STPG2: variants seen among roughly 807,000 people sequenced by gnomAD.
STPG2 encodes the protein sperm-tail PG-rich repeat-containing protein 2.
Under a neutral mutation model 54.2 loss-of-function variants are expected in STPG2, and 56 were observed. The observed-to-expected ratio is 1.03, with a 90% CI of 0.83 to 1.29. The LOEUF (loss-of-function observed/expected upper bound fraction) is 1.29, where lower values mean the gene tolerates loss of function less well. STPG2 is among the 50% of genes most tolerant of loss of function. The pLI is 0.00. For missense variants in STPG2, 596 were observed against 544.9 expected (o/e 1.09, Z -0.93); for synonymous variants, 200 against 181.8 (o/e 1.10, Z -0.81).
At chr4:97,713,374 C>T (rs1034684173) in intron 9 of STPG2, among the ~76,000 whole-genome samples, 2 of 152,108 alleles carry the variant, frequency 1.3e-5, no homozygotes, top group African/African-American at 4.8e-5. Flanking sequence ...TCAATGCCCC[C>T]AAATTCTTAC....
chr4:97,790,026 A>T (rs936998671), intron 9 of STPG2, among the ~76,000 whole-genome samples: 1 of 152,190 alleles, frequency 6.6e-6, no homozygotes, highest in African/African-American at 2.4e-5. Flanking sequence ...AAGTTTAAAC[A>T]ACAAAAAAAA....
intron 9 of STPG2, among the ~76,000 whole-genome samples, chr4:97,796,228 G>A (rs1339229892): frequency 6.6e-6 from 1 of 152,078 alleles, no homozygotes; most frequent in Non-Finnish European, 1.5e-5. Flanking sequence ...GTCAATTTTG[G>A]CTTTTGTTGC....
intron 8 of STPG2, among the ~76,000 whole-genome samples, chr4:97,875,008 C>T (rs530253699): frequency 3.2e-4 from 48 of 152,036 alleles, no homozygotes; most frequent in Non-Finnish European, 5.9e-4. Flanking sequence ...TAAAATAAGA[C>T]ATTATATTTC....
intron 5 of STPG2, among the ~76,000 whole-genome samples, chr4:97,984,665 A>C (rs911665170): frequency 1.3e-5 from 2 of 152,100 alleles, no homozygotes; most frequent in Non-Finnish European, 2.9e-5. Flanking sequence ...TTTATTTTTT[A>C]ATATATGAAA....
chr4:98,119,066 T>C (rs1021738913), intron 3 of STPG2, among the ~76,000 whole-genome samples: 2 of 152,130 alleles, frequency 1.3e-5, no homozygotes, highest in African/African-American at 2.4e-5. Context: ...GAATCATCAA[T>C]AGATGTTAAA....
chr4:97,457,360 C>T lies in STPG2; in HGVS notation c.462+255339G>A, dbSNP rs145857841. Among the ~76,000 whole-genome samples, 532 of 152,320 alleles carry T rather than the reference C, an allele frequency of 3.5e-3. 3 individuals are homozygous for T. The highest frequency in any genetic ancestry group is 0.012 in the African/African-American group (506 of 41,570). ...AAAACTTAATTAGGAGGCCATTAGGCTGACGCAACTCCAGTGCCTATGTAA... is the reference window on the plus strand; with the variant it reads ...AAAACTTAATTAGGAGGCCATTAGGTTGACGCAACTCCAGTGCCTATGTAA... On this transcript the variant is annotated intron_variant, in intron 4 of 4. Transcript: ENST00000522676.
At chr4:97,841,262 C>T (rs1728793912) in intron 8 of STPG2, among the ~76,000 whole-genome samples, 1 of 151,574 alleles carries the variant, frequency 6.6e-6, no homozygotes, top group Non-Finnish European at 1.5e-5. Flanking sequence ...CAATGATTAC[C>T]TGTTTTCCTA....
chr4:97,933,200 C>A (rs1299425629), intron 8 of STPG2, among the ~76,000 whole-genome samples: 1 of 151,968 alleles, frequency 6.6e-6, no homozygotes. Flanking sequence ...CCTTTGCCCA[C>A]TTTTTGATGG....
chr4:97,970,224 C>T (rs1734275600), intron 7 of STPG2, among the ~76,000 whole-genome samples: 1 of 152,094 alleles, frequency 6.6e-6, no homozygotes, highest in Non-Finnish European at 1.5e-5. Context: ...GTGAAAATGG[C>T]CATACTGACC....
At chr4:97,849,495 G>A (rs1378208794) in intron 8 of STPG2, among the ~76,000 whole-genome samples, 1 of 151,760 alleles carries the variant, frequency 6.6e-6, no homozygotes, top group African/African-American at 2.4e-5. Context: ...CCTACAACAT[G>A]GGAGAAAATT....
chr4:98,131,288 C>T (rs985845754), intron 2 of STPG2, among the ~76,000 whole-genome samples: 3 of 152,068 alleles, frequency 2.0e-5, no homozygotes, highest in African/African-American at 7.2e-5. Flanking sequence ...ATTTCATTAA[C>T]AGTATTATAC....
At chr4:98,003,944 AATG>A (rs1418983923) in intron 5 of STPG2, among the ~76,000 whole-genome samples, 1 of 152,144 alleles carries the variant, frequency 6.6e-6, no homozygotes, top group Non-Finnish European at 1.5e-5. Flanking sequence ...AACATTGTGA[AATG>A]ATTATAATAA....
intron 8 of STPG2, among the ~76,000 whole-genome samples, chr4:97,937,393 T>C (rs1013948687): frequency 6.6e-6 from 1 of 152,158 alleles, no homozygotes; most frequent in African/African-American, 2.4e-5. Flanking sequence ...TTCATCTATC[T>C]CATCCTCTGT....
chr4:98,020,282 G>A (rs1213574419), intron 5 of STPG2, among the ~76,000 whole-genome samples: 1 of 130,994 alleles, frequency 7.6e-6, no homozygotes, highest in Non-Finnish European at 1.7e-5. Context: ...TAATCATGTG[G>A]TTTTTGTCTT....
chr4:97,828,165 T>G (rs1053221947), intron 9 of STPG2, among the ~76,000 whole-genome samples: 4 of 152,042 alleles, frequency 2.6e-5, no homozygotes, highest in African/African-American at 9.7e-5. Flanking sequence ...GGTGGGTGAT[T>G]TCTGCATTTC....
chr4:97,967,599 T>G (rs1026638319), intron 7 of STPG2, among the ~76,000 whole-genome samples: 3 of 152,116 alleles, frequency 2.0e-5, no homozygotes, highest in African/African-American at 7.2e-5. Flanking sequence ...ATTGACCACA[T>G]AGTTGGAAGT....
intron 1 of STPG2, among the ~76,000 whole-genome samples, chr4:98,138,608 A>G (rs553824441): frequency 9.2e-5 from 14 of 152,260 alleles, no homozygotes; most frequent in African/African-American, 2.9e-4. Context: ...ACTCATCTTC[A>G]GGACAACAAC....
chr4:97,456,768 C>T (rs552094468), intron 4 of STPG2, among the ~76,000 whole-genome samples: 8 of 151,006 alleles, frequency 5.3e-5, no homozygotes, highest in East Asian at 2.0e-4. Flanking sequence ...TGGTGGCAGG[C>T]GCCTGTAGTC....
chr4:98,116,223 C>T (rs1038240788), intron 3 of STPG2, among the ~76,000 whole-genome samples: 1 of 150,506 alleles, frequency 6.6e-6, no homozygotes, highest in Admixed American at 6.6e-5. Context: ...TCATTGTGGC[C>T]TTCTAATAGA....
Sources: allele counts gnomAD v4.1 joint callset (sites outside exome capture counted in the v4.1 genomes callset), GRCh38; gene constraint gnomAD v4.1.1; transcripts MANE v1.5; gene names NCBI Gene and HGNC (gene_info 2026-07-23, HGNC 2026-07-21).